Variants in EPC1 observed in about 807,000 individuals in gnomAD.
EPC1 encodes the protein enhancer of polycomb 1.
EPC1 carries 12 observed loss-of-function variants against 98.4 expected under a neutral mutation model. The ratio of observed to expected loss-of-function variants is 0.12; its 90% CI spans 0.08 to 0.20. EPC1 has a LOEUF of 0.20. Ranked by LOEUF, EPC1 falls within the 10% of genes least tolerant of loss-of-function variation. The pLI is 1.00. For synonymous variants in EPC1, 357 were observed against 363.9 expected, an observed-to-expected ratio of 0.98 and a Z score of 0.21; for missense variants, 729 against 990.5, an observed-to-expected ratio of 0.74 and a Z score of 3.54.
intron 9 of EPC1, 80 bp downstream of exon 9, chr10:32,286,614 G>T (rs1592548102): frequency 3.3e-6 from 5 of 1,512,022 alleles, no homozygotes; most frequent in Non-Finnish European, 3.6e-6. Context: ...TGTTCAGAGG[G>T]ATTACCTGAC....
At chr10:32,278,878 A>T (rs1836247010) in intron 10 of EPC1, among the ~76,000 whole-genome samples, 1 of 152,092 alleles carries the variant, frequency 6.6e-6, no homozygotes. Flanking sequence ...CTATGACCAG[A>T]CCTGACCTCA....
At chr10:32,305,749 T>C (rs1592576062) in intron 2 of EPC1, 23 bp downstream of exon 2, 1 of 1,548,124 alleles carries the variant, frequency 6.5e-7, no homozygotes, top group East Asian at 2.3e-5. Context: ...GAAAATACAA[T>C]CATTAAGAGA....
At chr10:32,337,007 T>G (rs1250016015) in intron 1 of EPC1, among the ~76,000 whole-genome samples, 2 of 152,262 alleles carry the variant, frequency 1.3e-5, no homozygotes, top group African/African-American at 2.4e-5. Context: ...TGGGCCATAT[T>G]TTCCAGCTTC....
At chr10:32,372,852 C>G (rs1839789302) in intron 1 of EPC1, among the ~76,000 whole-genome samples, 1 of 152,136 alleles carries the variant, frequency 6.6e-6, no homozygotes, top group African/African-American at 2.4e-5. Flanking sequence ...AAAATCCCAT[C>G]TCTACTAAAA....
intron 1 of EPC1, among the ~76,000 whole-genome samples, chr10:32,342,700 G>A (rs1057050011): frequency 1.2e-4 from 18 of 152,142 alleles, no homozygotes; most frequent in Non-Finnish European, 1.5e-5. Flanking sequence ...ACCAGTCTAG[G>A]TAACAGGAGA....
intron 10 of EPC1, among the ~76,000 whole-genome samples, chr10:32,277,928 T>C (rs1308204367): frequency 1.3e-5 from 2 of 152,136 alleles, no homozygotes; most frequent in Non-Finnish European, 2.9e-5. Context: ...CACCAGCAGC[T>C]GGAACAGCCT....
At chr10:32,272,995 C>T in intron 11 of EPC1, 168 bp downstream of exon 11, 1 of 1,605,028 alleles carries the variant, frequency 6.2e-7, no homozygotes, top group African/African-American at 1.3e-5. Context: ...GGAGCAGAGG[C>T]AACAGCTTCC....
At chr10:32,278,789 A>G (rs1836244140) in intron 10 of EPC1, among the ~76,000 whole-genome samples, 1 of 152,270 alleles carries the variant, frequency 6.6e-6, no homozygotes, top group African/African-American at 2.4e-5. Flanking sequence ...GATTGAGTTG[A>G]CAGGGTTCAC....
At position 32,286,759 on chromosome 10, in the gene EPC1, T is replaced by A. The variant is rs1179840840; in HGVS notation, c.1326A>T (p.Leu442Phe). Residue 442 changes from leucine to phenylalanine, a missense_variant, in exon 9 of 14, where the codon TTA (leucine) becomes TTT (phenylalanine). Around this residue, in one of 6 missense-constraint regions of EPC1, gnomAD observed 390 missense variants for 438.6 expected, o/e 0.89. Coordinates refer to ENST00000319778, the MANE Select transcript of EPC1 (RefSeq NM_001272004.3). ...GLGDVRYRYC[L>F]TTLTVPQRCI... ...ACCTTTGGGGTACGGTGAGAGTAGT[T>A]AAGCAGTATCTATATCGCACATCCC... 1.2e-6 allele frequency: 2 copies of A among 1,614,172 alleles called. No homozygotes were observed. The highest frequency in any genetic ancestry group is 1.7e-6 in the Non-Finnish European group (2 of 1,180,030).
chr10:32,353,919 A>C (rs1444585308), intron 1 of EPC1, among the ~76,000 whole-genome samples: 3 of 152,250 alleles, frequency 2.0e-5, no homozygotes, highest in Non-Finnish European at 2.9e-5. Flanking sequence ...CATAACATTT[A>C]GGTAAACAAA....
Position 32,271,097 on chromosome 10 carries a change from T to G in EPC1, c.2369+457A>C, listed in dbSNP as rs576480885. ...ACCTCCACCTCCCAGGTTCAAGCGA[T>G]TCTCCTGCCTCAGCCTCCTGAGTAG... On this transcript the variant is annotated intron_variant, in intron 13 of 13. Transcript: ENST00000319778. Among the ~76,000 whole-genome samples the G allele has an allele frequency of 7.9e-5, 12 of 152,112 alleles. No individual in the cohort carries two copies. The South Asian group carries it at 2.5e-3, about 32-fold the overall frequency.
At chr10:32,300,089 T>G (rs913588319) in intron 2 of EPC1, among the ~76,000 whole-genome samples, 1 of 151,928 alleles carries the variant, frequency 6.6e-6, no homozygotes, top group Admixed American at 6.6e-5. Flanking sequence ...TTTTTTGTAT[T>G]TTTAGTAGAG....
chr10:32,352,025 C>T (rs1839126795), upstream of EPC1, among the ~76,000 whole-genome samples: 1 of 140,790 alleles, frequency 7.1e-6, no homozygotes, highest in Non-Finnish European at 1.5e-5. Context: ...CATGAACCAT[C>T]GTGCCCAGCC....
At chr10:32,349,132 T>C (rs1407185097), upstream of EPC1, among the ~76,000 whole-genome samples, 1 of 152,152 alleles carries the variant, frequency 6.6e-6, no homozygotes, top group Non-Finnish European at 1.5e-5. Context: ...GGCTGAATAT[T>C]ATTCTGACAG....
chr10:32,316,950 TAAAA>T (rs942050769), intron 1 of EPC1, among the ~76,000 whole-genome samples: 11 of 152,188 alleles, frequency 7.2e-5, no homozygotes, highest in Non-Finnish European at 1.5e-4. Flanking sequence ...ACATGGGTGA[TAAAA>T]TAAATAATAA....
chr10:32,279,733 C>T (rs1836298843), intron 10 of EPC1, among the ~76,000 whole-genome samples: 1 of 152,122 alleles, frequency 6.6e-6, no homozygotes, highest in African/African-American at 2.4e-5. Flanking sequence ...AGGACTCTTA[C>T]ATAAGAGTCC....
At chr10:32,355,685 G>C (rs1202165801) in intron 1 of EPC1, among the ~76,000 whole-genome samples, 1 of 124,112 alleles carries the variant, frequency 8.1e-6, no homozygotes, top group Non-Finnish European at 1.6e-5. Context: ...CATGATCTTG[G>C]CTGCAACCTC....
intron 4 of EPC1, 61 bp from the exon 5 acceptor site, chr10:32,292,705 T>C: frequency 6.8e-7 from 1 of 1,473,518 alleles, no homozygotes; most frequent in Non-Finnish European, 9.1e-7. Context: ...GGTATAGTTA[T>C]TGACCCATAA....
rs961390691 is a variant in EPC1 at position 32,268,281 on chromosome 10, G to A, written c.*782C>T. 6.6e-6 allele frequency: 1 copy of A among 152,100 alleles called. No homozygotes were observed. The highest frequency in any genetic ancestry group is 2.4e-5 in the African/African-American group (1 of 41,390). 9.4% of individuals were successfully genotyped at this position (152,100 alleles called of 1,614,324 possible). A position where few individuals can be genotyped will look rare whatever the true frequency, so the allele number is the denominator to read the frequency against. On this transcript the variant is annotated 3_prime_UTR_variant, in exon 14 of 14. Transcript: ENST00000319778. The stretch of plus-strand genomic sequence containing the variant: ...TTCGCAGAGCAGCAACATAATATTA[G>A]TGCTTTAAGTACCAGAAACCACCCA...
Sources: allele counts gnomAD v4.1 joint callset (sites outside exome capture counted in the v4.1 genomes callset), GRCh38; gene constraint gnomAD v4.1.1; regional missense constraint gnomAD v4.1.1; transcripts MANE v1.5; gene names NCBI Gene and HGNC (gene_info 2026-07-23, HGNC 2026-07-21).